COPB2: variants seen among roughly 807,000 people sequenced by gnomAD.
The protein encoded by COPB2 is coat protein complex I subunit beta 2.
COPB2 carries 16 observed loss-of-function variants against 120.8 expected under a neutral mutation model. The ratio of observed to expected loss-of-function variants is 0.13; its 90% CI spans 0.09 to 0.20. COPB2 has a LOEUF of 0.20. Among genes scored for constraint, COPB2 ranks in the 10% least tolerant of loss-of-function variants. The pLI is 1.00. For synonymous variants in COPB2, 332 were observed against 366.3 expected, an observed-to-expected ratio of 0.91 and a Z score of 1.07; for missense variants, 794 against 1,076.5, an observed-to-expected ratio of 0.74 and a Z score of 3.67.
chr3:139,381,069 T>G (rs1941802716), intron 2 of COPB2: 1 of 152,246 alleles, frequency 6.6e-6, no homozygotes, highest in South Asian at 2.1e-4. Context: ...TATATGGTAC[T>G]TTATAGGTTT....
intron 17 of COPB2, among the ~76,000 whole-genome samples, chr3:139,360,399 T>C (rs1941393850): frequency 6.6e-6 from 1 of 150,460 alleles, no homozygotes; most frequent in African/African-American, 2.4e-5. Context: ...ATGCCTGTAA[T>C]CCCAGCTACT....
In COPB2 at chr3:139,361,240, C is replaced by G; in HGVS notation, c.2051G>C (p.Gly684Ala). 6.2e-7 allele frequency: 1 copy of G among 1,614,164 alleles called. No homozygotes were observed. Among genetic ancestry groups the G allele is most frequent in the South Asian group, 1.1e-5 (1 of 91,084 alleles). ...AELAISKCQF[G>A]LAQECLHHAQ... ...ATGATGCAGGCACTCCTGGGCTAGG[C>G]CAAACTGACATTTACTAATGGCAAG... Residue 684 changes from glycine to alanine, a missense_variant, in exon 17 of 22, where the codon GGC becomes GCC. This residue lies in a region of COPB2 where 610 missense variants were observed against 866.7 expected (regional missense o/e 0.70). Transcript: ENST00000333188.
At chr3:139,388,499 T>G (rs1484799782) in intron 1 of COPB2, 2 of 151,608 alleles carry the variant, frequency 1.3e-5, no homozygotes, top group African/African-American at 4.8e-5. Context: ...AACTTTTTCC[T>G]AGTTCCAACT....
chr3:139,379,686 T>C, intron 2 of COPB2: 1 of 486,706 alleles, frequency 2.1e-6, no homozygotes, highest in Non-Finnish European at 3.6e-6. Flanking sequence ...AGAAGGCAAA[T>C]ATCCACAAGA....
intron 6 of COPB2, 101 bp from the exon 7 acceptor site, chr3:139,374,689 T>A: frequency 1.3e-6 from 1 of 770,722 alleles, no homozygotes; most frequent in Middle Eastern, 2.6e-4. Flanking sequence ...ATGATAGTAG[T>A]CATGAAAATC....
chr3:139,359,755 A>G (rs925250954), intron 17 of COPB2, among the ~76,000 whole-genome samples: 17 of 152,186 alleles, frequency 1.1e-4, no homozygotes, highest in African/African-American at 3.6e-4. Flanking sequence ...AGTGGTGCCC[A>G]GCAGAATACC....
At chr3:139,365,541 A>G (rs867616988) in intron 15 of COPB2, among the ~76,000 whole-genome samples, 51 of 152,196 alleles carry the variant, frequency 3.4e-4, no homozygotes, top group African/African-American at 1.2e-3. Context: ...GAGGGAGCAA[A>G]GCAGGAAAGG....
At chr3:139,374,304 TG>T in intron 7 of COPB2, 184 bp downstream of exon 7, 2 of 493,982 alleles carry the variant, frequency 4.0e-6, no homozygotes, top group Non-Finnish European at 7.4e-6. Context: ...ATGACGATGA[TG>T]ATGATGATGA....
chr3:139,377,343 T>A (rs2107806712), intron 5 of COPB2, among the ~76,000 whole-genome samples: 1 of 152,314 alleles, frequency 6.6e-6, no homozygotes, highest in East Asian at 1.9e-4. Context: ...TGACAAGAGG[T>A]TCTCAAGAGT....
At chr3:139,386,079 A>C (rs1304658453) in intron 1 of COPB2, among the ~76,000 whole-genome samples, 1 of 152,072 alleles carries the variant, frequency 6.6e-6, no homozygotes, top group Non-Finnish European at 1.5e-5. Flanking sequence ...TTTTTTGGGG[A>C]TTTTTATCAA....
rs757188891 is a variant in COPB2 at position 139,357,920 on chromosome 3, T to C, written c.2664A>G (p.Glu888=). Residue 888 remains glutamate (E), a synonymous_variant, in exon 22 of 22, where the codon GAA becomes GAG. Transcript: ENST00000333188. ...LELEVDLDNL[E]LEDIDTTDIN... ...TATCTGTTGTGTCAATATCTTCTAA[T>C]TCCAAATTATCCAAATCTACTTCTA... 8.1e-6 allele frequency: 13 copies of C among 1,600,282 alleles called. No individual in the cohort carries two copies.
At chr3:139,360,161 G>GTTCA (rs1460067016) in intron 17 of COPB2, among the ~76,000 whole-genome samples, 1 of 148,836 alleles carries the variant, frequency 6.7e-6, no homozygotes, top group Non-Finnish European at 1.5e-5. Context: ...TGGGGTGCAC[G>GTTCA]TTCAAAGTTA....
intron 1 of COPB2, among the ~76,000 whole-genome samples, chr3:139,388,612 G>A (rs1422659868): frequency 6.7e-6 from 1 of 149,110 alleles, no homozygotes; most frequent in African/African-American, 2.5e-5. Flanking sequence ...GTTTGATTCT[G>A]TGCTTCATAA....
intron 5 of COPB2, among the ~76,000 whole-genome samples, chr3:139,376,056 C>T (rs1941708109): frequency 6.6e-6 from 1 of 152,278 alleles, no homozygotes; most frequent in Middle Eastern, 3.4e-3. Flanking sequence ...TCAAGACCAA[C>T]CTGGACAACA....
At chr3:139,387,399 T>C (rs1038277042) in intron 1 of COPB2, among the ~76,000 whole-genome samples, 1 of 152,202 alleles carries the variant, frequency 6.6e-6, no homozygotes, top group African/African-American at 2.4e-5. Flanking sequence ...ATTAGGATGC[T>C]CACACTGTAT....
intron 8 of COPB2, 82 bp downstream of exon 8, chr3:139,373,584 G>T (rs1363407753): frequency 6.3e-7 from 1 of 1,585,542 alleles, no homozygotes; most frequent in East Asian, 2.2e-5. Context: ...TATAAAACTG[G>T]TTACTTGGAA....
intron 5 of COPB2, among the ~76,000 whole-genome samples, chr3:139,376,969 T>G (rs1372204314): frequency 6.6e-6 from 1 of 152,204 alleles, no homozygotes; most frequent in Non-Finnish European, 1.5e-5. Context: ...CAGGATGGTC[T>G]CGATCTCCTG....
intron 2 of COPB2, 75 bp from the exon 3 acceptor site, chr3:139,379,541 A>T (rs1360836187): frequency 8.3e-7 from 1 of 1,197,760 alleles, no homozygotes; most frequent in Non-Finnish European, 1.2e-6. Flanking sequence ...TATATTTCAA[A>T]CATCCAATTT....
At chr3:139,367,548 A>G (rs1171429609) in intron 13 of COPB2, among the ~76,000 whole-genome samples, 1 of 152,098 alleles carries the variant, frequency 6.6e-6, no homozygotes. Context: ...TCGGCCTCCC[A>G]AAGTGCTGGG....
Sources: allele counts gnomAD v4.1 joint callset (sites outside exome capture counted in the v4.1 genomes callset), GRCh38; gene constraint gnomAD v4.1.1; regional missense constraint gnomAD v4.1.1; transcripts MANE v1.5; gene names NCBI Gene and HGNC (gene_info 2026-07-23, HGNC 2026-07-21).